Variants in NDUFAF7 observed in about 807,000 individuals in gnomAD.
NDUFAF7 encodes the protein protein arginine methyltransferase NDUFAF7, mitochondrial.
In NDUFAF7, 48 loss-of-function variants were observed where a neutral mutation model predicts 47.2. That is an observed-to-expected ratio of 1.02 (90% CI 0.81 to 1.29). The LOEUF (loss-of-function observed/expected upper bound fraction) is 1.29, where lower values mean the gene tolerates loss of function less well. Ranked by LOEUF, NDUFAF7 falls within the 50% of genes most tolerant of loss-of-function variation. The pLI is 0.00. For missense variants in NDUFAF7, 635 were observed against 537.6 expected (o/e 1.18, Z -1.79); for synonymous variants, 217 against 190.0 (o/e 1.14, Z -1.17).
intron 4 of NDUFAF7, among the ~76,000 whole-genome samples, chr2:37,241,259 T>A (rs1666303726): frequency 6.6e-6 from 1 of 152,190 alleles, no homozygotes; most frequent in African/African-American, 2.4e-5. Flanking sequence ...GCTGTGTACA[T>A]TTTATTTCCT....
At chr2:37,249,602 CAGAG>C (rs773770745), downstream of NDUFAF7, among the ~76,000 whole-genome samples, 1,160 of 110,954 alleles carry the variant, frequency 0.01, 34 homozygotes, top group African/African-American at 0.025. Context: ...CACACACACA[CAGAG>C]GGGAGATCGC....
the NDUFAF7 span, among the ~76,000 whole-genome samples, chr2:37,270,772 C>T: frequency 6.6e-6 from 1 of 152,092 alleles, no homozygotes; most frequent in Non-Finnish European, 1.5e-5. Flanking sequence ...TTTTGTTTAA[C>T]CAAATTTTGG....
chr2:37,262,135 C>T, the NDUFAF7 span, among the ~76,000 whole-genome samples: 1 of 152,256 alleles, frequency 6.6e-6, no homozygotes, highest in South Asian at 2.1e-4. Context: ...AAATGAGGAG[C>T]ATCCTGTACA....
downstream of NDUFAF7, chr2:37,251,303 G>A (rs924798508): frequency 6.6e-5 from 10 of 152,590 alleles, no homozygotes; most frequent in African/African-American, 2.4e-4. Context: ...TGGGTAGATA[G>A]TACAGCATAA....
the NDUFAF7 span, among the ~76,000 whole-genome samples, chr2:37,266,371 G>A: frequency 3.3e-5 from 5 of 152,284 alleles, no homozygotes; most frequent in South Asian, 6.2e-4. Context: ...TGTTGCCCAG[G>A]CTGGAGTGCA....
In NDUFAF7 at chr2:37,242,300, C is replaced by T. The variant is rs1181758793; in HGVS notation, c.623-335C>T. The T allele has an allele frequency of 1.8e-5, 5 of 279,248 alleles. No homozygotes were observed. The Admixed American group carries it at 2.0e-4, about 11-fold the overall frequency. The allele number at this position is 279,248 out of a possible 1,614,324, so 17.3% of individuals were successfully genotyped here. ...TTGGGTAAGGGATCTCAAGCCATTC[C>T]TGCCTCAGCCTTCTCAGGCTGAGAA... On this transcript the variant is annotated intron_variant, in intron 5 of 9. Coordinates refer to ENST00000002125, the MANE Select transcript of NDUFAF7 (RefSeq NM_144736.5).
At chr2:37,236,226 C>A in intron 3 of NDUFAF7, 50 bp downstream of exon 3, 1 of 1,406,564 alleles carries the variant, frequency 7.1e-7, no homozygotes, top group East Asian at 2.3e-5. Context: ...CATTTGAGAG[C>A]AGATCAAATT....
chr2:37,239,551 A>G (rs772171155), intron 4 of NDUFAF7, among the ~76,000 whole-genome samples: 1 of 152,240 alleles, frequency 6.6e-6, no homozygotes, highest in Non-Finnish European at 1.5e-5. Context: ...CAGGAGACAC[A>G]TACAAGAAGA....
intron 1 of NDUFAF7, 114 bp from the exon 2 acceptor site, chr2:37,231,992 C>A: frequency 6.2e-7 from 1 of 1,603,412 alleles, no homozygotes; most frequent in South Asian, 1.1e-5. Flanking sequence ...AGCCCGCGGT[C>A]TGCGGTGGGG....
chr2:37,241,994 A>G, intron 5 of NDUFAF7: 1 of 590,890 alleles, frequency 1.7e-6, no homozygotes, highest in East Asian at 2.8e-5. Flanking sequence ...AGTTTATTTC[A>G]TGAAGCTTTG....
rs377360458 is a variant in NDUFAF7 at position 37,243,980 on chromosome 2, A to G, written c.792+7A>G. 3.8e-6 allele frequency: 6 copies of G among 1,595,308 alleles called. No homozygotes were observed. Among genetic ancestry groups the G allele is most frequent in the African/African-American group, 2.7e-5 (2 of 74,442 alleles). On this transcript the variant is annotated splice_region_variant and intron_variant, in intron 7 of 9. Coordinates refer to ENST00000002125, the MANE Select transcript of NDUFAF7 (RefSeq NM_144736.5). ...AGCAGAAGCCTTCATACAAGTAAGA[A>G]TATGCTTTTTTAAGTTTCTTTTATT... is the stretch of plus-strand genomic sequence containing the variant.
downstream of NDUFAF7, chr2:37,253,111 A>G: frequency 6.8e-7 from 1 of 1,464,588 alleles, no homozygotes; most frequent in Non-Finnish European, 9.3e-7. Context: ...TCTACAAAGA[A>G]CAAGTTACAC....
At chr2:37,263,065 T>G in the NDUFAF7 span, among the ~76,000 whole-genome samples, 1 of 152,182 alleles carries the variant, frequency 6.6e-6, no homozygotes, top group South Asian at 2.1e-4. Context: ...TGATCTGTTA[T>G]TCCTTTCTGC....
chr2:37,260,707 C>A, the NDUFAF7 span, among the ~76,000 whole-genome samples: 1 of 152,152 alleles, frequency 6.6e-6, no homozygotes, highest in East Asian at 1.9e-4. Context: ...CCTGAATAGG[C>A]ACCAACTGCC....
intron 3 of NDUFAF7, among the ~76,000 whole-genome samples, chr2:37,236,394 A>T (rs1665756019): frequency 1.3e-5 from 2 of 152,224 alleles, no homozygotes; most frequent in South Asian, 4.1e-4. Flanking sequence ...TAGGAAGGGA[A>T]ATGGAGAGAT....
At chr2:37,257,390 G>A (rs543009288), downstream of NDUFAF7, among the ~76,000 whole-genome samples, 1 of 152,094 alleles carries the variant, frequency 6.6e-6, no homozygotes. Context: ...TATTAGCCAG[G>A]TGTGGTGGCT....
the NDUFAF7 span, among the ~76,000 whole-genome samples, chr2:37,262,835 C>T: frequency 6.6e-6 from 1 of 152,080 alleles, no homozygotes; most frequent in East Asian, 1.9e-4. Flanking sequence ...GAGAATTACC[C>T]ATTTTCTCCA....
the NDUFAF7 span, among the ~76,000 whole-genome samples, chr2:37,264,803 G>C: frequency 2.0e-5 from 3 of 152,130 alleles, no homozygotes. Context: ...TTTTTCAAGT[G>C]ATTTTGATTC....
At chr2:37,256,869 C>T, downstream of NDUFAF7, 2 of 1,613,970 alleles carry the variant, frequency 1.2e-6, no homozygotes, top group Non-Finnish European at 1.7e-6. Flanking sequence ...GTTCCTACCA[C>T]AGATCTCCTG....
Sources: allele counts gnomAD v4.1 joint callset (sites outside exome capture counted in the v4.1 genomes callset), GRCh38; gene constraint gnomAD v4.1.1; transcripts MANE v1.5; gene names NCBI Gene and HGNC (gene_info 2026-07-23, HGNC 2026-07-21).